The following PROM1 variants were observed in gnomAD, a reference collection of about 807,000 sequenced individuals.
The protein encoded by PROM1 is prominin 1.
Under a neutral mutation model 116.9 loss-of-function variants are expected in PROM1, and 105 were observed. That is an observed-to-expected ratio of 0.90 (90% CI 0.77 to 1.06). The LOEUF is 1.06. Ranked by LOEUF, PROM1 falls within the 50% of genes least tolerant of loss-of-function variation. The pLI is 0.00. For synonymous variants in PROM1, 393 were observed against 387.0 expected (o/e 1.02, Z -0.18); for missense variants, 1,122 against 1,045.2 (o/e 1.07, Z -1.01).
chr4:15,975,321 G>T (rs1478077990), intron 26 of PROM1, among the ~76,000 whole-genome samples: 1 of 152,164 alleles, frequency 6.6e-6, no homozygotes, highest in Non-Finnish European at 1.5e-5. Flanking sequence ...CCGGGTTCAA[G>T]CGATTCTCCT....
At chr4:15,969,711 G>T (rs1011532599) in intron 27 of PROM1, among the ~76,000 whole-genome samples, 1 of 152,014 alleles carries the variant, frequency 6.6e-6, no homozygotes, top group Non-Finnish European at 1.5e-5. Flanking sequence ...AAGTAGCTGG[G>T]ACTACAGGCA....
chr4:15,985,182 A>C (rs1428052795), intron 22 of PROM1, among the ~76,000 whole-genome samples: 1 of 152,220 alleles, frequency 6.6e-6, no homozygotes, highest in Non-Finnish European at 1.5e-5. Context: ...ACATTGTATT[A>C]GGTATTATAA....
At chr4:15,969,619 C>G (rs2148961683) in intron 27 of PROM1, among the ~76,000 whole-genome samples, 1 of 152,272 alleles carries the variant, frequency 6.6e-6, no homozygotes, top group East Asian at 1.9e-4. Flanking sequence ...GGGAGTCTCA[C>G]TCTGTCGCCC....
At chr4:16,013,811 C>T (rs1372486892) in intron 10 of PROM1, among the ~76,000 whole-genome samples, 1 of 152,160 alleles carries the variant, frequency 6.6e-6, no homozygotes, top group Non-Finnish European at 1.5e-5. Context: ...CCGCTAACAG[C>T]CATGCACAGT....
intron 5 of PROM1, among the ~76,000 whole-genome samples, chr4:16,032,995 C>T (rs1733094858): frequency 6.6e-6 from 1 of 152,150 alleles, no homozygotes; most frequent in Non-Finnish European, 1.5e-5. Flanking sequence ...GAGGAGTCTG[C>T]TGTGCTGGGA....
At position 16,033,399 on chromosome 4, in the gene PROM1, T is replaced by A. The variant is rs971343108; in HGVS notation, c.414A>T (p.Lys138Asn). ...YFFCMCRCCNKCGGEMHQRQK... is the reference protein window; with the variant it reads ...YFFCMCRCCNNCGGEMHQRQK... ...GTCGCTGGTGCATTTCTCCACCACA[T>A]TTGTTACAGCAACGACACATACAAA... The change falls in exon 5 of 28, where the codon AAA becomes AAT. Residue 138 changes from lysine (K) to asparagine (N), a missense_variant. By Grantham distance (94) the Lys-to-Asn change is moderately conservative (BLOSUM62 0). Transcript: ENST00000447510. The A allele has an allele frequency of 6.2e-7, 1 of 1,613,856 alleles. No homozygotes were observed. Among genetic ancestry groups the A allele is most frequent in the Non-Finnish European group, 8.5e-7 (1 of 1,179,844 alleles).
intron 2 of PROM1, among the ~76,000 whole-genome samples, chr4:16,061,158 A>G (rs1740225638): frequency 6.6e-6 from 1 of 152,062 alleles, no homozygotes; most frequent in African/African-American, 2.4e-5. Context: ...AGAAATAGCC[A>G]TCACAAAATC....
At chr4:15,998,013 A>C (rs544462567) in intron 15 of PROM1, among the ~76,000 whole-genome samples, 2 of 152,218 alleles carry the variant, frequency 1.3e-5, no homozygotes, top group Non-Finnish European at 2.9e-5. Context: ...TCCCCCTATC[A>C]GTGATCCAAA....
intron 26 of PROM1, among the ~76,000 whole-genome samples, chr4:15,977,850 G>T (rs148946928): frequency 6.6e-6 from 1 of 152,118 alleles, no homozygotes; most frequent in Non-Finnish European, 1.5e-5. Context: ...CACCCGCCTC[G>T]GCTTCCCAAT....
chr4:16,007,350 T>C (rs1725779552), intron 12 of PROM1, among the ~76,000 whole-genome samples: 1 of 152,240 alleles, frequency 6.6e-6, no homozygotes, highest in Non-Finnish European at 1.5e-5. Flanking sequence ...AATTAGGCCT[T>C]ACTGGCATTC....
chr4:16,050,614 G>A (rs902460270), intron 2 of PROM1, among the ~76,000 whole-genome samples: 41 of 152,262 alleles, frequency 2.7e-4, no homozygotes, highest in African/African-American at 8.9e-4. Context: ...TCGGCCTCCC[G>A]AAAAGTGCTG....
At chr4:15,998,522 A>T in intron 14 of PROM1, 34 bp from the exon 15 acceptor site, 5 of 1,536,702 alleles carry the variant, frequency 3.3e-6, no homozygotes, top group East Asian at 2.4e-5. Flanking sequence ...TCGAAAAATC[A>T]GTTTTACACT....
chr4:15,992,797 G>A (rs571207580), intron 16 of PROM1, among the ~76,000 whole-genome samples: 1 of 152,290 alleles, frequency 6.6e-6, no homozygotes, highest in Non-Finnish European at 1.5e-5. Context: ...GGGACACAGG[G>A]TAGGCTGGCA....
At chr4:16,073,422 G>A (rs1463271713) in intron 2 of PROM1, among the ~76,000 whole-genome samples, 2 of 151,958 alleles carry the variant, frequency 1.3e-5, no homozygotes, top group African/African-American at 4.8e-5. Flanking sequence ...GGCCCCAAAT[G>A]GAAAAATCAT....
chr4:16,055,435 C>A, intron 2 of PROM1: 1 of 456,158 alleles, frequency 2.2e-6, no homozygotes. Flanking sequence ...CCTATCTGGG[C>A]CTTTGTGTTC....
chr4:15,980,868 T>C (rs552914856), intron 23 of PROM1, among the ~76,000 whole-genome samples: 202 of 152,202 alleles, frequency 1.3e-3, no homozygotes, highest in Non-Finnish European at 6.8e-4. Context: ...CCCAAACAGA[T>C]TCCCTTTGTT....
chr4:16,075,925 A>C lies in PROM1; in HGVS notation c.-19T>G. 6.3e-7 allele frequency: 1 copy of C among 1,589,046 alleles called. No individual in the cohort carries two copies. Among genetic ancestry groups the C allele is most frequent in the Non-Finnish European group, 8.6e-7 (1 of 1,165,936 alleles). On this transcript the variant is annotated 5_prime_UTR_variant, in exon 2 of 28. Transcript: ENST00000447510. The stretch of plus-strand genomic sequence containing the variant: ...GGGCCATAGCTAGCAAGATCCTCCA[A>C]ACATGAGGTAGAACTTGGTGCCTCC...
At position 15,991,251 on chromosome 4, in the gene PROM1, A is replaced by G. The variant is rs768320190; in HGVS notation, c.1954T>C (p.Tyr652His). The G allele has an allele frequency of 4.4e-6, 7 of 1,608,200 alleles. No individual in the cohort carries two copies. The Admixed American group carries it at 1.2e-4, about 27-fold the overall frequency. Residue 652 changes from tyrosine (Y) to histidine (H), a missense_variant, in exon 18 of 28, where the codon TAT becomes CAT. Physicochemically the swap from Tyr to His is moderately conservative, Grantham distance 83. Coordinates refer to ENST00000447510, the MANE Select transcript of PROM1 (RefSeq NM_006017.3). ...CTGTTTGCTTTTGCTTCTAGATCAT[A>G]TGCAAATGATAAAAGATTCACTCCT... ...PAGVNLLSFA[Y>H]DLEAKANSLP...
intron 2 of PROM1, among the ~76,000 whole-genome samples, chr4:16,066,744 C>T (rs1253270883): frequency 2.0e-5 from 3 of 152,206 alleles, no homozygotes; most frequent in African/African-American, 4.8e-5. Context: ...TGGCTTCATG[C>T]AGCAGCTGCT....
Sources: gnomAD v4.1 joint callset for allele counts (sites outside exome capture counted in the v4.1 genomes callset) on GRCh38, gnomAD v4.1.1 for gene constraint, MANE v1.5 for transcripts, NCBI Gene and HGNC (gene_info 2026-07-23, HGNC 2026-07-21) for gene names.